FMN2: variants seen among roughly 807,000 people sequenced by gnomAD.
FMN2 encodes formin 2.
FMN2 carries 51 observed loss-of-function variants against 142.3 expected under a neutral mutation model. The ratio of observed to expected loss-of-function variants is 0.36; its 90% confidence interval spans 0.29 to 0.45. The LOEUF is 0.45. Ranked by LOEUF, FMN2 falls within the 20% of genes least tolerant of loss-of-function variation. The pLI is 1.00. For missense variants in FMN2, 1,936 were observed against 2,122.8 expected, an observed-to-expected ratio of 0.91 and a Z score of 1.73; for synonymous variants, 882 against 869.8, an observed-to-expected ratio of 1.01 and a Z score of -0.25.
At chr1:240,201,928 A>G (rs972119928) in intron 4 of FMN2, among the ~76,000 whole-genome samples, 3 of 152,182 alleles carry the variant, frequency 2.0e-5, no homozygotes, top group Non-Finnish European at 2.9e-5. Context: ...AATCAAATAC[A>G]ACTGGATTAT....
In FMN2 at chr1:240,092,037, CGGACCTGGGGCCGAGGAG is replaced by C; in HGVS notation, c.-70_-53del. 5 of 1,484,002 alleles carry C rather than the reference CGGACCTGGGGCCGAGGAG, an allele frequency of 3.4e-6. No individual in the cohort carries two copies. The highest frequency in any genetic ancestry group is 4.5e-6 in the Non-Finnish European group (5 of 1,122,334). The allele number at this position is 1,484,002 out of a possible 1,614,324, so 91.9% of individuals were successfully genotyped here. ...ACTCTCCCGGGAGACTCCCTAGGCC[CGGACCTGGGGCCGAGGAG>C]GGCCGGGATGGCCTGAGTGCCCGCG... On this transcript the variant is annotated 5_prime_UTR_variant, in exon 1 of 18. Coordinates refer to ENST00000319653, the MANE Select transcript of FMN2 (RefSeq NM_020066.5).
intron 14 of FMN2, among the ~76,000 whole-genome samples, chr1:240,387,784 A>T (rs1673453172): frequency 6.6e-6 from 1 of 152,226 alleles, no homozygotes; most frequent in Non-Finnish European, 1.5e-5. Context: ...CAAGCAATGC[A>T]TCTCCATCCT....
intron 2 of FMN2, among the ~76,000 whole-genome samples, chr1:240,160,677 GGTTT>G (rs1420375410): frequency 6.6e-6 from 1 of 151,804 alleles, no homozygotes; most frequent in African/African-American, 2.4e-5. Context: ...AAATATTGAA[GGTTT>G]GTTCTTTTAA....
chr1:240,351,023 A>C (rs1417457110), intron 13 of FMN2, among the ~76,000 whole-genome samples: 1 of 152,208 alleles, frequency 6.6e-6, no homozygotes, highest in East Asian at 1.9e-4. Flanking sequence ...AGTACTGGTA[A>C]TACAGCAAAG....
rs767069958 is a variant in FMN2 at position 240,399,013 on chromosome 1, C to T, written c.4910+6451C>T. On this transcript the variant is annotated intron_variant, in intron 15 of 17. Coordinates refer to ENST00000319653, the MANE Select transcript of FMN2 (RefSeq NM_020066.5). Reference sequence around the variant, plus strand: ...CATGGATTGCAGCCCTGGGCAGTCTCGGATGGTTATGGAGCATAGATTTTG... The same window carrying T: ...CATGGATTGCAGCCCTGGGCAGTCTTGGATGGTTATGGAGCATAGATTTTG... Among the ~76,000 whole-genome samples, 54 of 152,078 alleles carry T rather than the reference C, an allele frequency of 3.6e-4. 1 individual carries two copies. Among genetic ancestry groups the T allele is most frequent in the African/African-American group, 1.2e-3 (48 of 41,490 alleles).
chr1:240,183,010 G>A (rs1665217435), intron 3 of FMN2, among the ~76,000 whole-genome samples: 1 of 151,026 alleles, frequency 6.6e-6, no homozygotes, highest in Non-Finnish European at 1.5e-5. Context: ...TTCGTCACCC[G>A]AGCTCAAGTG....
chr1:240,098,915 T>G (rs1411313302), intron 1 of FMN2, among the ~76,000 whole-genome samples: 1 of 152,204 alleles, frequency 6.6e-6, no homozygotes, highest in Non-Finnish European at 1.5e-5. Context: ...TTCTGATTCT[T>G]CTGAAAAGAT....
chr1:240,188,113 A>G, intron 3 of FMN2, 94 bp from the exon 4 acceptor site: 1 of 1,223,854 alleles, frequency 8.2e-7, no homozygotes, highest in East Asian at 2.4e-5. Flanking sequence ...ACTTATGGTT[A>G]ATGATATATT....
intron 2 of FMN2, among the ~76,000 whole-genome samples, chr1:240,125,382 T>G (rs1316005163): frequency 6.6e-6 from 1 of 152,228 alleles, no homozygotes; most frequent in Non-Finnish European, 1.5e-5. Flanking sequence ...TAGGTAGATC[T>G]CTTTCTCTTA....
At chr1:240,245,923 G>C (rs1349633416) in intron 6 of FMN2, among the ~76,000 whole-genome samples, 2 of 150,756 alleles carry the variant, frequency 1.3e-5, no homozygotes, top group Non-Finnish European at 3.0e-5. Flanking sequence ...GCTTACGCCT[G>C]TAATCCAGGC....
intron 16 of FMN2, among the ~76,000 whole-genome samples, chr1:240,452,132 A>G (rs1041513571): frequency 2.0e-5 from 3 of 151,864 alleles, no homozygotes; most frequent in Non-Finnish European, 2.9e-5. Context: ...CAGGGGTTGC[A>G]GTGAGCCGAG....
chr1:240,474,922 A>G lies in FMN2; in HGVS notation c.*768A>G, dbSNP rs1676925909. ...AATGTTCTAAATCATAATTGTTTGTATTTATGTAAAGTATGGTCTCTTACT... is the reference window on the plus strand; with the variant it reads ...AATGTTCTAAATCATAATTGTTTGTGTTTATGTAAAGTATGGTCTCTTACT... On this transcript the variant is annotated 3_prime_UTR_variant, in exon 18 of 18. Transcript: ENST00000319653. 1 of 152,586 alleles carries G rather than the reference A, an allele frequency of 6.6e-6. No individual in the cohort carries two copies. The highest frequency in any genetic ancestry group is 1.5e-5 in the Non-Finnish European group (1 of 68,000). 9.5% of individuals were successfully genotyped at this position (152,586 alleles called of 1,614,324 possible). A position where few individuals can be genotyped will look rare whatever the true frequency, so the allele number is the denominator to read the frequency against.
chr1:240,227,571 G>T (rs1473495503), intron 6 of FMN2, among the ~76,000 whole-genome samples: 3 of 152,144 alleles, frequency 2.0e-5, no homozygotes, highest in Non-Finnish European at 2.9e-5. Flanking sequence ...TAGTAATTAA[G>T]ACAATATAGT....
At chr1:240,375,783 AT>A (rs1474906160) in intron 14 of FMN2, among the ~76,000 whole-genome samples, 2 of 152,142 alleles carry the variant, frequency 1.3e-5, no homozygotes, top group Non-Finnish European at 2.9e-5. Flanking sequence ...TTTTCAGGGT[AT>A]TGTATAAATG....
At chr1:240,431,045 G>A (rs908742825) in intron 15 of FMN2, among the ~76,000 whole-genome samples, 2 of 149,958 alleles carry the variant, frequency 1.3e-5, no homozygotes, top group Non-Finnish European at 3.0e-5. Flanking sequence ...GGGGCAAATG[G>A]ATGTTAACAT....
In FMN2 at chr1:240,207,541, C is replaced by T; in HGVS notation, c.2729C>T (p.Pro910Leu). 6.2e-7 allele frequency: 1 copy of T among 1,613,252 alleles called. No homozygotes were observed. Among genetic ancestry groups the T allele is most frequent in the Non-Finnish European group, 8.5e-7 (1 of 1,179,732 alleles). Residue 910 changes from proline to leucine, a missense_variant, in exon 5 of 18, where the codon CCC (proline) becomes CTC (leucine). By Grantham distance (98) the Pro-to-Leu change is moderately conservative. This residue lies in a region of FMN2 where 478 missense variants were observed against 462.8 expected (regional missense o/e 1.03). Coordinates refer to ENST00000319653, the MANE Select transcript of FMN2 (RefSeq NM_020066.5). ...CTGCAGGGTACAGAAATGCTGCCAC[C>T]CCCTCCCCCTCCTCTTCCCGGAGCG... ...PPLQGTEMLP[P>L]PPPPLPGAGI...
chr1:240,209,400 GC>G (rs1225208470), intron 5 of FMN2, among the ~76,000 whole-genome samples: 2 of 151,278 alleles, frequency 1.3e-5, no homozygotes, highest in African/African-American at 2.4e-5. Context: ...ACAGGCGCCC[GC>G]CACCACGCCC....
At chr1:240,192,840 ATTT>A (rs34381897) in intron 4 of FMN2, among the ~76,000 whole-genome samples, 4 of 149,936 alleles carry the variant, frequency 2.7e-5, no homozygotes, top group African/African-American at 2.4e-5. Flanking sequence ...GAAAGAAAGG[ATTT>A]TTTTTTTTTT....
chr1:240,322,151 G>T (rs2103001663), intron 8 of FMN2, among the ~76,000 whole-genome samples: 1 of 151,844 alleles, frequency 6.6e-6, no homozygotes, highest in African/African-American at 2.4e-5. Flanking sequence ...TTCAAAATAT[G>T]ATTTTTACTG....
Sources: allele counts gnomAD v4.1 joint callset (sites outside exome capture counted in the v4.1 genomes callset), GRCh38; gene constraint gnomAD v4.1.1; regional missense constraint gnomAD v4.1.1; transcripts MANE v1.5; gene names NCBI Gene and HGNC (gene_info 2026-07-23, HGNC 2026-07-21).